The following JKAMP variants were observed in gnomAD, a reference collection of about 807,000 sequenced individuals.
JKAMP encodes JNK1/MAPK8 associated membrane protein, also known as JNK1/MAPK8-associated membrane protein.
JKAMP carries 20 observed loss-of-function variants against 40.2 expected under a neutral mutation model. That is an observed-to-expected ratio of 0.50 (90% CI 0.35 to 0.72). The LOEUF (loss-of-function observed/expected upper bound fraction) is 0.72, where lower values mean the gene tolerates loss of function less well. Ranked by LOEUF, JKAMP falls within the 30% of genes least tolerant of loss-of-function variation. The pLI is 0.01. For synonymous variants in JKAMP, 138 were observed against 131.6 expected (o/e 1.05, Z -0.33); for missense variants, 276 against 373.0 (o/e 0.74, Z 2.14).
At chr14:59,499,014 C>A in intron 5 of JKAMP, 106 bp downstream of exon 5, 4 of 232,406 alleles carry the variant, frequency 1.7e-5, no homozygotes, top group East Asian at 9.0e-5. Context: ...TTTGTTTAAT[C>A]CTTTTTTTTT....
At chr14:59,494,308 T>G (rs1300543734) in intron 3 of JKAMP, among the ~76,000 whole-genome samples, 2 of 152,184 alleles carry the variant, frequency 1.3e-5, no homozygotes, top group African/African-American at 2.4e-5. Context: ...GCAACACATT[T>G]AACTAACCAC....
intron 4 of JKAMP, among the ~76,000 whole-genome samples, chr14:59,497,203 C>G (rs1403694770): frequency 1.3e-5 from 2 of 152,018 alleles, no homozygotes; most frequent in African/African-American, 4.8e-5. Flanking sequence ...AACATGTAAG[C>G]TTCTATCATT....
At chr14:59,493,380 A>G (rs191244250) in intron 3 of JKAMP, among the ~76,000 whole-genome samples, 2 of 152,336 alleles carry the variant, frequency 1.3e-5, no homozygotes, top group East Asian at 1.9e-4. Context: ...AGCATGGTCA[A>G]GCCTCTAGAC....
chr14:59,504,321 T>C lies in JKAMP; in HGVS notation c.*249T>C. On this transcript the variant is annotated 3_prime_UTR_variant, in exon 7 of 7. Transcript: ENST00000616435. The stretch of plus-strand genomic sequence containing the variant: ...TGGAAGGCCGCTAGGAAGCCCTTGC[T>C]TCTCTCAACAGTTCAGCTGTTCTTT... The C allele has an allele frequency of 2.2e-6, 1 of 462,254 alleles. No homozygotes were observed. Among genetic ancestry groups the C allele is most frequent in the East Asian group, 3.6e-5 (1 of 27,806 alleles). 28.6% of individuals were successfully genotyped at this position (462,254 alleles called of 1,614,324 possible).
intron 3 of JKAMP, among the ~76,000 whole-genome samples, chr14:59,491,631 G>A (rs1011625667): frequency 6.6e-6 from 1 of 152,218 alleles, no homozygotes; most frequent in Admixed American, 6.5e-5. Context: ...AGCTCCAAGT[G>A]ACCCACCTGC....
intron 6 of JKAMP, 73 bp from the exon 7 acceptor site, chr14:59,503,781 T>A: frequency 1.2e-6 from 1 of 843,228 alleles, no homozygotes. Context: ...TATATTAAGT[T>A]ATATTAAATT....
At chr14:59,497,294 A>C (rs538630216) in intron 4 of JKAMP, among the ~76,000 whole-genome samples, 13 of 152,352 alleles carry the variant, frequency 8.5e-5, no homozygotes, top group African/African-American at 3.1e-4. Context: ...TATTACTCTT[A>C]TAGCAGGAAT....
chr14:59,497,215 T>C (rs1891516412), intron 4 of JKAMP, among the ~76,000 whole-genome samples: 1 of 152,184 alleles, frequency 6.6e-6, no homozygotes, highest in South Asian at 2.1e-4. Flanking sequence ...TCTATCATTA[T>C]AACTTACTGC....
At chr14:59,486,577 T>C (rs972773354) in intron 1 of JKAMP, 136 bp from the exon 2 acceptor site, 1 of 650,070 alleles carries the variant, frequency 1.5e-6, no homozygotes. Flanking sequence ...AATTTAAAAA[T>C]GCTTCAAGAC....
chr14:59,485,048 T>G (rs1442470987), intron 1 of JKAMP: 1 of 1,598,204 alleles, frequency 6.3e-7, no homozygotes, highest in Non-Finnish European at 8.5e-7. Flanking sequence ...TCTTAAAACT[T>G]TAGCCATCGT....
intron 1 of JKAMP, chr14:59,486,031 T>C (rs1476959631): frequency 6.6e-6 from 1 of 152,190 alleles, no homozygotes; most frequent in Non-Finnish European, 1.5e-5. Flanking sequence ...TCTTAGTTGT[T>C]GGGGTTTTTT....
chr14:59,486,341 A>T (rs906705239), intron 1 of JKAMP, among the ~76,000 whole-genome samples: 1 of 152,232 alleles, frequency 6.6e-6, no homozygotes, highest in African/African-American at 2.4e-5. Flanking sequence ...TGGGCAAAAT[A>T]CAAGGTGGTG....
chr14:59,499,077 A>G (rs993722017), intron 5 of JKAMP, among the ~76,000 whole-genome samples, 169 bp downstream of exon 5: 1 of 123,438 alleles, frequency 8.1e-6, no homozygotes, highest in African/African-American at 3.2e-5. Context: ...AGGCTGGAGT[A>G]CAGTGGCATG....
intron 5 of JKAMP, among the ~76,000 whole-genome samples, chr14:59,499,507 T>C (rs1891713173): frequency 6.6e-6 from 1 of 152,204 alleles, no homozygotes; most frequent in Non-Finnish European, 1.5e-5. Flanking sequence ...TTCATTTGTT[T>C]AGTAACCATT....
At chr14:59,502,114 G>C (rs533738681) in intron 6 of JKAMP, among the ~76,000 whole-genome samples, 1 of 152,114 alleles carries the variant, frequency 6.6e-6, no homozygotes, top group East Asian at 1.9e-4. Flanking sequence ...GGGCATTCTT[G>C]TACATTATTT....
At chr14:59,501,309 A>G (rs1368643571) in intron 6 of JKAMP, 42 bp downstream of exon 6, 1 of 1,253,336 alleles carries the variant, frequency 8.0e-7, no homozygotes, top group East Asian at 2.3e-5. Flanking sequence ...TTTTTGATAA[A>G]TTTGACAATT....
At chr14:59,500,975 A>T (rs1265511711) in intron 5 of JKAMP, 1 of 480,558 alleles carries the variant, frequency 2.1e-6, no homozygotes, top group Non-Finnish European at 3.7e-6. Context: ...AGAGCTGGGT[A>T]ATCGAGACAG....
intron 3 of JKAMP, among the ~76,000 whole-genome samples, chr14:59,492,760 G>A (rs1030431429): frequency 2.0e-5 from 3 of 151,514 alleles, no homozygotes; most frequent in Non-Finnish European, 4.4e-5. Flanking sequence ...TCTAATTAGG[G>A]TCTCTGGAAA....
intron 3 of JKAMP, 34 bp from the exon 4 acceptor site, chr14:59,494,984 T>G: frequency 6.7e-7 from 1 of 1,503,584 alleles, no homozygotes; most frequent in Non-Finnish European, 9.2e-7. Flanking sequence ...ATATTGCAAT[T>G]TTTCTAGTAA....
Sources: allele counts gnomAD v4.1 joint callset (sites outside exome capture counted in the v4.1 genomes callset), GRCh38; gene constraint gnomAD v4.1.1; transcripts MANE v1.5; gene names NCBI Gene and HGNC (gene_info 2026-07-23, HGNC 2026-07-21).